Variants in TAFA5 observed in about 807,000 individuals in gnomAD.
TAFA5 encodes chemokine-like protein TAFA-5.
TAFA5 carries 6 observed loss-of-function variants against 15.3 expected under a neutral mutation model. That is an observed-to-expected ratio of 0.39 (90% CI 0.21 to 0.77). The LOEUF (loss-of-function observed/expected upper bound fraction) is 0.77, where lower values mean the gene tolerates loss of function less well. TAFA5 is among the 30% of genes least tolerant of loss of function. TAFA5 has a pLI of 0.41. For missense variants in TAFA5, 161 were observed against 193.1 expected (o/e 0.83, Z 0.98); for synonymous variants, 103 against 80.7 (o/e 1.28, Z -1.48).
chr22:48,556,853 C>T (rs956795416), intron 1 of TAFA5, among the ~76,000 whole-genome samples: 93 of 152,188 alleles, frequency 6.1e-4, no homozygotes, highest in African/African-American at 2.1e-3. Flanking sequence ...CCCTTGGGGG[C>T]ACTGTCCAGC....
rs954154975 is a variant in TAFA5, at chr22:48,751,286, T to C, written c.*1439T>C. The stretch of plus-strand genomic sequence containing the variant: ...TGTCCCCGCGTTCTGAGAAGTCCTC[T>C]GTCTTCGTGTCACTAGGTCCAGAAA... On this transcript the variant is annotated 3_prime_UTR_variant, in exon 4 of 4. Coordinates refer to ENST00000402357, the MANE Select transcript of TAFA5 (RefSeq NM_001082967.3). 7.7e-4 allele frequency: 118 copies of C among 152,572 alleles called. No individual in the cohort carries two copies. Among genetic ancestry groups the C allele is most frequent in the African/African-American group, 2.5e-3 (102 of 41,596 alleles). 9.5% of individuals were successfully genotyped at this position (152,572 alleles called of 1,614,324 possible). A position where few individuals can be genotyped will look rare whatever the true frequency, so the allele number is the denominator to read the frequency against.
At chr22:48,576,381 G>A (rs1419977479) in intron 1 of TAFA5, 6 of 1,220,546 alleles carry the variant, frequency 4.9e-6, no homozygotes, top group Middle Eastern at 3.2e-4. Flanking sequence ...TGGAGGGCGC[G>A]AGCGGGCGGC....
intron 1 of TAFA5, among the ~76,000 whole-genome samples, chr22:48,536,916 G>A (rs973856222): frequency 2.0e-5 from 3 of 152,172 alleles, no homozygotes; most frequent in Non-Finnish European, 4.4e-5. Context: ...CGATGGCAGC[G>A]GGGCCTGGCT....
chr22:48,610,011 A>G (rs1369412750), intron 1 of TAFA5, among the ~76,000 whole-genome samples: 1 of 152,216 alleles, frequency 6.6e-6, no homozygotes, highest in Non-Finnish European at 1.5e-5. Context: ...TTTCCAAAGA[A>G]GGTGACAGTT....
chr22:48,618,820 G>A (rs1209760171), intron 1 of TAFA5, among the ~76,000 whole-genome samples: 1 of 152,172 alleles, frequency 6.6e-6, no homozygotes, highest in East Asian at 1.9e-4. Flanking sequence ...TCTTCGTGAG[G>A]CTGCTTCACA....
At chr22:48,697,028 G>A (rs758518764) in intron 2 of TAFA5, among the ~76,000 whole-genome samples, 1 of 152,254 alleles carries the variant, frequency 6.6e-6, no homozygotes, top group East Asian at 1.9e-4. Flanking sequence ...TCCTTGAAGG[G>A]ATGGGGAAGA....
intron 1 of TAFA5, among the ~76,000 whole-genome samples, chr22:48,531,960 C>G (rs1408979135): frequency 6.6e-6 from 1 of 152,238 alleles, no homozygotes; most frequent in African/African-American, 2.4e-5. Context: ...CATGCCGGCA[C>G]AGCTGGTGAC....
At chr22:48,713,781 T>C (rs1003636197) in intron 3 of TAFA5, among the ~76,000 whole-genome samples, 6 of 152,186 alleles carry the variant, frequency 3.9e-5, no homozygotes, top group African/African-American at 1.4e-4. Context: ...CCCCTGAGCT[T>C]CCTGCAAGCT....
chr22:48,577,165 T>C (rs556219952), intron 1 of TAFA5, among the ~76,000 whole-genome samples: 38 of 152,350 alleles, frequency 2.5e-4, no homozygotes, highest in African/African-American at 9.1e-4. Flanking sequence ...TCTTGGTCTT[T>C]GCTGGACTGC....
At chr22:48,604,981 G>C (rs915285315) in intron 1 of TAFA5, among the ~76,000 whole-genome samples, 2 of 151,614 alleles carry the variant, frequency 1.3e-5, no homozygotes, top group African/African-American at 4.8e-5. Context: ...GGATATAGGT[G>C]GTGATGGCAA....
intron 1 of TAFA5, among the ~76,000 whole-genome samples, chr22:48,515,362 G>A: frequency 6.6e-6 from 1 of 152,194 alleles, no homozygotes; most frequent in East Asian, 1.9e-4. Flanking sequence ...GCAGGCAGGC[G>A]GATCACCTGA....
At chr22:48,743,996 G>A (rs971760843) in intron 3 of TAFA5, among the ~76,000 whole-genome samples, 2 of 152,206 alleles carry the variant, frequency 1.3e-5, no homozygotes, top group Admixed American at 6.5e-5. Flanking sequence ...ATTTTTCTGC[G>A]TAGTTTCAGT....
At chr22:48,714,473 C>A (rs1929345170) in intron 3 of TAFA5, among the ~76,000 whole-genome samples, 1 of 152,186 alleles carries the variant, frequency 6.6e-6, no homozygotes, top group Non-Finnish European at 1.5e-5. Context: ...CTGGTCCTTC[C>A]CACCCACCAC....
intron 1 of TAFA5, among the ~76,000 whole-genome samples, chr22:48,583,038 CCA>C (rs1437168790): frequency 1.3e-5 from 2 of 149,964 alleles, no homozygotes; most frequent in African/African-American, 4.9e-5. Context: ...GCAAAATACA[CCA>C]CACACACCGC....
intron 1 of TAFA5, among the ~76,000 whole-genome samples, chr22:48,561,239 C>G (rs1923219771): frequency 6.6e-6 from 1 of 152,200 alleles, no homozygotes; most frequent in South Asian, 2.1e-4. Flanking sequence ...ACCTCTATCA[C>G]CAGCCCAAGG....
intron 1 of TAFA5, among the ~76,000 whole-genome samples, chr22:48,633,552 C>CA (rs201154985): frequency 1.6e-4 from 24 of 150,524 alleles, no homozygotes; most frequent in African/African-American, 5.2e-4. Flanking sequence ...CTCTCTCTCT[C>CA]TCTCTCCATC....
chr22:48,538,173 G>A (rs969668337), intron 1 of TAFA5, among the ~76,000 whole-genome samples: 3 of 152,140 alleles, frequency 2.0e-5, no homozygotes, highest in Admixed American at 2.0e-4. Context: ...GAGATGGCCC[G>A]GGGCTGCAGA....
chr22:48,692,225 G>A (rs962909707), intron 2 of TAFA5, among the ~76,000 whole-genome samples: 2 of 152,094 alleles, frequency 1.3e-5, no homozygotes, highest in Admixed American at 6.5e-5. Flanking sequence ...GTCAGACAGT[G>A]AGACCCTCAG....
At chr22:48,638,690 G>A (rs1457746583) in intron 1 of TAFA5, among the ~76,000 whole-genome samples, 1 of 123,522 alleles carries the variant, frequency 8.1e-6, no homozygotes, top group Non-Finnish European at 1.6e-5. Flanking sequence ...CACCCCCCTG[G>A]ACACTAAGCC....
Sources: gnomAD v4.1 joint callset for allele counts (sites outside exome capture counted in the v4.1 genomes callset) on GRCh38, gnomAD v4.1.1 for gene constraint, MANE v1.5 for transcripts, NCBI Gene and HGNC (gene_info 2026-07-23, HGNC 2026-07-21) for gene names.